FGD6: variants seen among roughly 807,000 people sequenced by gnomAD.
FGD6 encodes FYVE, RhoGEF and PH domain-containing protein 6.
FGD6 carries 90 observed loss-of-function variants against 149.4 expected under a neutral mutation model. The observed-to-expected ratio is 0.60, with a 90% confidence interval of 0.51 to 0.72. The LOEUF (loss-of-function observed/expected upper bound fraction) is 0.72, where lower values mean the gene tolerates loss of function less well. FGD6 is among the 30% of genes least tolerant of loss of function. The pLI is 0.00. For synonymous variants in FGD6, 527 were observed against 584.0 expected (o/e 0.90, Z 1.41); for missense variants, 1,437 against 1,684.8 (o/e 0.85, Z 2.57).
Position 95,136,436 on chromosome 12 carries a change from G to A in FGD6, c.2994+1086C>T, listed in dbSNP as rs537332769. Among the ~76,000 whole-genome samples, 34 of 152,244 alleles carry A rather than the reference G, an allele frequency of 2.2e-4. No individual in the cohort carries two copies. In the Middle Eastern group the frequency reaches 0.01, roughly 46 times the overall value. ...TAGTTTTGTGTGACTGGAATTCACC[G>A]ATCTTTTAAGCTTCAAAACAGAGAA... is the stretch of plus-strand genomic sequence containing the variant. On this transcript the variant is annotated intron_variant, in intron 7 of 20. Transcript: ENST00000343958.
intron 3 of FGD6, among the ~76,000 whole-genome samples, chr12:95,161,124 G>A (rs1322894976): frequency 1.3e-5 from 2 of 152,036 alleles, no homozygotes; most frequent in Non-Finnish European, 2.9e-5. Context: ...AGGATGCAGT[G>A]AGCCAAAATT....
Position 95,209,712 on chromosome 12 carries a change from A to G in FGD6, c.1572T>C (p.Tyr524=), listed in dbSNP as rs199855921. The change falls in exon 2 of 21, where the codon TAT becomes TAC. Residue 524 remains tyrosine (Y), a synonymous_variant. Transcript: ENST00000343958. ...CTGAACTTTTTTCTTCACTTGAAGG[A>G]TAAGAACTTTTTTCCAAAAGCTCCT... The part of the protein sequence containing the change: ...ASEELLEKSS[Y]PSSEEKSSEK... 1.6e-4 allele frequency: 257 copies of G among 1,614,122 alleles called. No homozygotes were observed. In the East Asian group the frequency reaches 2.6e-3, roughly 16 times the overall value.
At chr12:95,093,231 C>G (rs1287565801) in intron 15 of FGD6, among the ~76,000 whole-genome samples, 1 of 151,226 alleles carries the variant, frequency 6.6e-6, no homozygotes, top group African/African-American at 2.4e-5. Flanking sequence ...AAAAAACAAA[C>G]AAACAAAAAA....
At chr12:95,084,691 C>T (rs1444234885) in intron 19 of FGD6, 45 bp from the exon 20 acceptor site, 1 of 1,501,460 alleles carries the variant, frequency 6.7e-7, no homozygotes, top group African/African-American at 1.4e-5. Flanking sequence ...TAGATTGAGA[C>T]AAAATTCAGA....
rs756288470 is a variant in FGD6 at position 95,152,879 on chromosome 12, G to A, written c.2655-38C>T. On this transcript the variant is annotated intron_variant, in intron 4 of 20. Coordinates refer to ENST00000343958, the MANE Select transcript of FGD6 (RefSeq NM_018351.4). Reference sequence around the variant, plus strand: ...ACAATGAAAAAAATGTTTTAAATGTGCCAATGGGGGGAAAACAGTCTTCTG... The same window carrying A: ...ACAATGAAAAAAATGTTTTAAATGTACCAATGGGGGGAAAACAGTCTTCTG... 3.7e-6 allele frequency: 6 copies of A among 1,613,532 alleles called. No individual in the cohort carries two copies. In the South Asian group the frequency reaches 6.6e-5, roughly 18 times the overall value.
chr12:95,120,311 G>C (rs1410841896), intron 8 of FGD6, among the ~76,000 whole-genome samples: 3 of 151,598 alleles, frequency 2.0e-5, no homozygotes, highest in East Asian at 1.9e-4. Context: ...CTTGGGATCA[G>C]GGAGAATAAT....
intron 8 of FGD6, chr12:95,126,432 CA>C: frequency 8.6e-7 from 1 of 1,168,244 alleles, no homozygotes; most frequent in East Asian, 2.7e-5. Flanking sequence ...TTAAAAAAAA[CA>C]AACAAAAAAC....
chr12:95,096,325 G>A (rs12303256), intron 14 of FGD6, among the ~76,000 whole-genome samples: 18,551 of 152,086 alleles, frequency 0.12, 1,485 homozygotes, highest in Non-Finnish European at 0.18. Flanking sequence ...CTCAGAAAGC[G>A]CCTCCCTAAT....
Position 95,159,282 on chromosome 12 carries a change from C to A in FGD6, c.2587-6289G>T, listed in dbSNP as rs189444309. On this transcript the variant is annotated intron_variant, in intron 3 of 20. Coordinates refer to ENST00000343958, the MANE Select transcript of FGD6 (RefSeq NM_018351.4). ...CTTGTGTAGAGGAGGCTACTCCATA[C>A]AAAAATTAACTAAAAATGTGAAAAC... Among the ~76,000 whole-genome samples the A allele has an allele frequency of 2.0e-3, 303 of 152,080 alleles. 8 individuals carry two copies. The highest frequency in any genetic ancestry group is 0.019 in the Admixed American group (288 of 15,252).
intron 16 of FGD6, 106 bp downstream of exon 16, chr12:95,092,590 ATTG>A: frequency 8.9e-7 from 1 of 1,123,818 alleles, no homozygotes. Context: ...AATAATAGTT[ATTG>A]TTATTCTTGA....
At chr12:95,103,308 T>G (rs1355708039) in intron 14 of FGD6, among the ~76,000 whole-genome samples, 2 of 152,216 alleles carry the variant, frequency 1.3e-5, no homozygotes, top group African/African-American at 4.8e-5. Context: ...ATTTAGATTG[T>G]GCAGTGGAGC....
In FGD6 at chr12:95,141,027, G is replaced by A. The variant is rs1449887682; in HGVS notation, c.2837+361C>T. 2.0e-5 allele frequency among the ~76,000 whole-genome samples: 3 copies of A among 152,100 alleles called. 1 individual carries two copies. Among genetic ancestry groups the A allele is most frequent in the Non-Finnish European group, 4.4e-5 (3 of 68,014 alleles). On this transcript the variant is annotated intron_variant, in intron 6 of 20. Coordinates refer to ENST00000343958, the MANE Select transcript of FGD6 (RefSeq NM_018351.4). ...ACCTGAGGTCAGGAGTTCGAGACCA[G>A]CCTGGCCAACACGGTGAAACCTCAT...
rs143881424 is a variant in FGD6, at chr12:95,216,669, CA to C, written c.16+555del. ...ATAATTGTAATTGGGTGCAGACAAG[CA>C]AAAAAAAAAAAAAAAAAAAAACCTC... On this transcript the variant is annotated intron_variant, in intron 1 of 20. Transcript: ENST00000343958. Among the ~76,000 whole-genome samples, 923 of 88,702 alleles carry C rather than the reference CA, an allele frequency of 0.01. 14 individuals are homozygous for C. The East Asian group carries it at 0.13, about 13-fold the overall frequency. 58.2% of individuals were successfully genotyped at this position (88,702 alleles called of 152,430 possible).
intron 3 of FGD6, among the ~76,000 whole-genome samples, chr12:95,160,456 G>C (rs567364827): frequency 3.3e-5 from 5 of 152,266 alleles, no homozygotes; most frequent in African/African-American, 9.6e-5. Context: ...CTCATACGGT[G>C]TGAAAAATGA....
chr12:95,102,308 G>A (rs1474870724), intron 14 of FGD6, among the ~76,000 whole-genome samples: 1 of 151,976 alleles, frequency 6.6e-6, no homozygotes, highest in African/African-American at 2.4e-5. Flanking sequence ...GCTGGGCATG[G>A]TGGCGCATGC....
chr12:95,129,430 C>G (rs1477993867), intron 8 of FGD6, among the ~76,000 whole-genome samples: 3 of 152,132 alleles, frequency 2.0e-5, no homozygotes. Context: ...CTCCCTTTCC[C>G]TAATTACACC....
At chr12:95,216,689 A>C (rs1592888570) in intron 1 of FGD6, among the ~76,000 whole-genome samples, 1 of 143,514 alleles carries the variant, frequency 7.0e-6, no homozygotes, top group East Asian at 2.1e-4. Context: ...AAAAAAAAAA[A>C]AACCTCAACA....
intron 2 of FGD6, among the ~76,000 whole-genome samples, chr12:95,184,629 T>C (rs1346012813): frequency 6.6e-6 from 1 of 151,120 alleles, no homozygotes; most frequent in Non-Finnish European, 1.5e-5. Flanking sequence ...GCCCAGGCTG[T>C]AGTGCAGTGG....
At chr12:95,082,839 C>T (rs575379271) in intron 20 of FGD6, among the ~76,000 whole-genome samples, 6 of 149,442 alleles carry the variant, frequency 4.0e-5, no homozygotes, top group Non-Finnish European at 8.9e-5. Flanking sequence ...ATGGAAATAT[C>T]ATTTCTTACG....
Sources: gnomAD v4.1 joint callset for allele counts (sites outside exome capture counted in the v4.1 genomes callset) on GRCh38, gnomAD v4.1.1 for gene constraint, MANE v1.5 for transcripts, NCBI Gene and HGNC (gene_info 2026-07-23, HGNC 2026-07-21) for gene names.